SLC25A20: variants seen among roughly 807,000 people sequenced by gnomAD.
SLC25A20 encodes mitochondrial carnitine/acylcarnitine carrier protein.
SLC25A20 carries 29 observed loss-of-function variants against 39.7 expected under a neutral mutation model. The observed-to-expected ratio is 0.73, with a 90% CI of 0.54 to 1.00. The LOEUF is 1.00. SLC25A20 is among the 50% of genes least tolerant of loss of function. The probability of loss-of-function intolerance (pLI) is 0.00; values close to 1 mark genes in which losing one functional copy is unlikely to be tolerated. For synonymous variants in SLC25A20, 103 were observed against 142.2 expected, an observed-to-expected ratio of 0.72 and a Z score of 1.96; for missense variants, 333 against 379.9, an observed-to-expected ratio of 0.88 and a Z score of 1.03.
chr3:48,857,913 C>G, intron 8 of SLC25A20, 141 bp from the exon 9 acceptor site: 3 of 672,270 alleles, frequency 4.5e-6, no homozygotes, highest in Non-Finnish European at 8.0e-6. Flanking sequence ...GATGCAAGCT[C>G]TACTCTCTCA....
At chr3:48,860,924 C>T (rs56159532) in intron 5 of SLC25A20, among the ~76,000 whole-genome samples, 1 of 150,548 alleles carries the variant, frequency 6.6e-6, no homozygotes, top group Non-Finnish European at 1.5e-5. Flanking sequence ...ACCTCTGCCT[C>T]CTGGGTTCAA....
chr3:48,890,589 C>T (rs1017870954), intron 2 of SLC25A20, among the ~76,000 whole-genome samples: 2 of 151,624 alleles, frequency 1.3e-5, no homozygotes, highest in Non-Finnish European at 2.9e-5. Context: ...CCCATGATCA[C>T]GTGATTTGCC....
intron 7 of SLC25A20, 146 bp downstream of exon 7, chr3:48,858,946 A>T: frequency 1.4e-6 from 1 of 719,236 alleles, no homozygotes; most frequent in East Asian, 2.7e-5. Flanking sequence ...AATGCAAATG[A>T]CTGTGAGGGA....
intron 3 of SLC25A20, among the ~76,000 whole-genome samples, chr3:48,879,778 A>G (rs2083785524): frequency 6.6e-6 from 1 of 152,184 alleles, no homozygotes; most frequent in Non-Finnish European, 1.5e-5. Flanking sequence ...TGCCAGGCAC[A>G]GTGACTATGG....
chr3:48,857,637 A>G lies in SLC25A20; in HGVS notation c.*73T>C. On this transcript the variant is annotated 3_prime_UTR_variant, in exon 9 of 9. Transcript: ENST00000319017. Reference sequence around the variant, plus strand: ...CTCCCCTTGCCCTCCAAGACTGCTTAGTTCTGCTTACTACTCCTTCTCCTC... The same window carrying G: ...CTCCCCTTGCCCTCCAAGACTGCTTGGTTCTGCTTACTACTCCTTCTCCTC... The G allele has an allele frequency of 1.4e-6, 2 of 1,405,530 alleles. No homozygotes were observed. The highest frequency in any genetic ancestry group is 1.0e-6 in the Non-Finnish European group (1 of 998,490). The allele number at this position is 1,405,530 out of a possible 1,614,324, so 87.1% of individuals were successfully genotyped here.
In SLC25A20 at chr3:48,879,368, C is replaced by G. The variant is rs780132667; in HGVS notation, c.407G>C (p.Cys136Ser). ...GIMTPGERIK[C>S]LLQIQASSGE... is the part of the protein sequence containing the mutation. ...CAATCACAACCTTACCTGTAATAAG[C>G]ACTTGATCCGTTCTCCAGGAGTCAT... is the stretch of plus-strand genomic sequence containing the variant. The change falls in exon 4 of 9, where the codon TGC (cysteine) becomes TCC (serine). Residue 136 changes from cysteine (C) to serine (S), a missense_variant. Coordinates refer to ENST00000319017, the MANE Select transcript of SLC25A20 (RefSeq NM_000387.6). The G allele has an allele frequency of 6.2e-7, 1 of 1,610,840 alleles. No homozygotes were observed. Among genetic ancestry groups the G allele is most frequent in the South Asian group, 1.1e-5 (1 of 91,034 alleles).
At chr3:48,892,461 C>G (rs1006717553) in intron 1 of SLC25A20, among the ~76,000 whole-genome samples, 4 of 152,136 alleles carry the variant, frequency 2.6e-5, no homozygotes, top group African/African-American at 7.2e-5. Context: ...ACAGAACCAA[C>G]AGGAGATATA....
At chr3:48,864,144 G>A (rs1296587695) in intron 4 of SLC25A20, among the ~76,000 whole-genome samples, 2 of 151,770 alleles carry the variant, frequency 1.3e-5, no homozygotes, top group Admixed American at 6.6e-5. Context: ...CCAGGAGTTC[G>A]AGACCAGCCT....
chr3:48,870,024 G>A (rs973282009), intron 4 of SLC25A20, among the ~76,000 whole-genome samples: 2 of 151,918 alleles, frequency 1.3e-5, no homozygotes, highest in Non-Finnish European at 2.9e-5. Flanking sequence ...GGCTAGGTGA[G>A]AGGATCGCTT....
At chr3:48,867,889 C>A (rs2083684425) in intron 4 of SLC25A20, among the ~76,000 whole-genome samples, 1 of 151,438 alleles carries the variant, frequency 6.6e-6, no homozygotes, top group Non-Finnish European at 1.5e-5. Flanking sequence ...GGAGAAACCC[C>A]GTCTCTACTA....
Position 48,898,860 on chromosome 3 carries a change from A to C in SLC25A20, c.-66T>G. On this transcript the variant is annotated 5_prime_UTR_variant, in exon 1 of 9. Coordinates refer to ENST00000319017, the MANE Select transcript of SLC25A20 (RefSeq NM_000387.6). ...GTCCTGGCTTCTCAGCCCCAGCTGC[A>C]GTGCCGGCGCCGCCGACCTTTCACC... 2 of 1,478,982 alleles carry C rather than the reference A, an allele frequency of 1.4e-6. No individual in the cohort carries two copies. Among genetic ancestry groups the C allele is most frequent in the Non-Finnish European group, 1.8e-6 (2 of 1,081,924 alleles). 91.6% of individuals were successfully genotyped at this position (1,478,982 alleles called of 1,614,324 possible).
chr3:48,865,082 A>C (rs1023579030), intron 4 of SLC25A20, among the ~76,000 whole-genome samples: 1 of 152,094 alleles, frequency 6.6e-6, no homozygotes, highest in Non-Finnish European at 1.5e-5. Context: ...TCCACATAGA[A>C]ATGTTGGATA....
chr3:48,866,908 C>G (rs2106640893), intron 4 of SLC25A20, among the ~76,000 whole-genome samples: 1 of 152,132 alleles, frequency 6.6e-6, no homozygotes, highest in Admixed American at 6.6e-5. Flanking sequence ...ATTCTCCTGT[C>G]TCAGACTCCC....
chr3:48,893,974 A>G (rs1354421823), intron 1 of SLC25A20, among the ~76,000 whole-genome samples: 1 of 151,668 alleles, frequency 6.6e-6, no homozygotes, highest in Non-Finnish European at 1.5e-5. Flanking sequence ...CAGCATGGCC[A>G]ACATGGCAAA....
Position 48,879,394 on chromosome 3 carries a change from G to A in SLC25A20, c.381C>T (p.Ile127=), listed in dbSNP as rs763005130. Reference sequence around the variant, plus strand: ...ACTTGATCCGTTCTCCAGGAGTCATGATTCCTGTGGTGAATACGCCAGATA... The same window carrying A: ...ACTTGATCCGTTCTCCAGGAGTCATAATTCCTGTGGTGAATACGCCAGATA... ...GMLSGVFTTG[I]MTPGERIKCL... is the part of the protein sequence containing the mutation. The change falls in exon 4 of 9, where the codon ATC becomes ATT. Residue 127 remains isoleucine, a synonymous_variant. Coordinates refer to ENST00000319017, the MANE Select transcript of SLC25A20 (RefSeq NM_000387.6). 2 of 1,613,848 alleles carry A rather than the reference G, an allele frequency of 1.2e-6. No individual in the cohort carries two copies. Among genetic ancestry groups the A allele is most frequent in the African/African-American group, 2.7e-5 (2 of 74,934 alleles).
At chr3:48,870,072 T>C (rs1366726242) in intron 4 of SLC25A20, among the ~76,000 whole-genome samples, 2 of 151,910 alleles carry the variant, frequency 1.3e-5, no homozygotes, top group Admixed American at 6.6e-5. Flanking sequence ...CTGTGATGCA[T>C]GTCTCTGCAC....
chr3:48,891,785 A>G (rs905547323), intron 2 of SLC25A20, among the ~76,000 whole-genome samples, 195 bp downstream of exon 2: 1 of 152,196 alleles, frequency 6.6e-6, no homozygotes, highest in Non-Finnish European at 1.5e-5. Context: ...TCATCTGTAT[A>G]AAACAGTAGC....
At chr3:48,889,752 C>T (rs1423740206) in intron 2 of SLC25A20, among the ~76,000 whole-genome samples, 1 of 152,058 alleles carries the variant, frequency 6.6e-6, no homozygotes, top group Admixed American at 6.6e-5. Context: ...AGTTATAATA[C>T]AAATTAGATA....
intron 2 of SLC25A20, among the ~76,000 whole-genome samples, chr3:48,887,934 C>T (rs1005724249): frequency 5.9e-5 from 9 of 151,526 alleles, no homozygotes; most frequent in Non-Finnish European, 1.0e-4. Flanking sequence ...GCAGGCCAGG[C>T]GTGGTGGCTC....
Sources: gnomAD v4.1 joint callset for allele counts (sites outside exome capture counted in the v4.1 genomes callset) on GRCh38, gnomAD v4.1.1 for gene constraint, MANE v1.5 for transcripts, NCBI Gene and HGNC (gene_info 2026-07-23, HGNC 2026-07-21) for gene names.